Variants in CTNNA3 observed in about 807,000 individuals in gnomAD.
CTNNA3 encodes catenin alpha-3.
A neutral mutation model predicts 95.7 loss-of-function variants in CTNNA3; 76 were observed. The ratio of observed to expected loss-of-function variants is 0.79; its 90% CI spans 0.66 to 0.96. CTNNA3 has a LOEUF of 0.96. Ranked by LOEUF, CTNNA3 falls within the 40% of genes least tolerant of loss-of-function variation. The pLI is 0.00. For synonymous variants in CTNNA3, 431 were observed against 374.4 expected (o/e 1.15, Z -1.74); for missense variants, 1,191 against 1,089.8 (o/e 1.09, Z -1.31).
At chr10:66,734,872 CAAAAAA>C (rs34979571) in intron 9 of CTNNA3, among the ~76,000 whole-genome samples, 3 of 132,728 alleles carry the variant, frequency 2.3e-5, no homozygotes, top group Non-Finnish European at 4.8e-5. Flanking sequence ...AAGACTGTTT[CAAAAAA>C]AAAAAAAAAA....
intron 7 of CTNNA3, among the ~76,000 whole-genome samples, chr10:66,827,941 T>G (rs936290432): frequency 6.6e-6 from 1 of 152,198 alleles, no homozygotes; most frequent in East Asian, 1.9e-4. Context: ...ACAGGCTGAC[T>G]TCAAAATGGA....
chr10:67,694,474 C>T (rs914566067), intron 1 of CTNNA3, among the ~76,000 whole-genome samples: 10 of 152,072 alleles, frequency 6.6e-5, no homozygotes, highest in African/African-American at 2.4e-4. Context: ...AACACTTCTA[C>T]AGTTAGAAAC....
At chr10:67,555,020 C>T (rs932361272) in intron 3 of CTNNA3, among the ~76,000 whole-genome samples, 2 of 152,132 alleles carry the variant, frequency 1.3e-5, no homozygotes, top group African/African-American at 4.8e-5. Flanking sequence ...GAATCCTTTC[C>T]CTATTTCTTG....
intron 12 of CTNNA3, among the ~76,000 whole-genome samples, chr10:66,284,993 C>A (rs1411615584): frequency 6.6e-6 from 1 of 151,548 alleles, no homozygotes; most frequent in Non-Finnish European, 1.5e-5. Context: ...ATTTAGGGAG[C>A]CAATATTATG....
chr10:66,199,911 C>T (rs1031177643), intron 13 of CTNNA3, among the ~76,000 whole-genome samples: 8 of 142,110 alleles, frequency 5.6e-5, no homozygotes, highest in African/African-American at 1.9e-4. Flanking sequence ...CTTGGTCTCC[C>T]GAAGTGCTGG....
chr10:67,069,077 T>C (rs1856274861), intron 7 of CTNNA3, among the ~76,000 whole-genome samples: 3 of 151,482 alleles, frequency 2.0e-5, no homozygotes, highest in South Asian at 4.2e-4. Context: ...TAAAAATATA[T>C]ATGAAAGAAA....
At chr10:67,723,052 T>C (rs1190830311) in intron 1 of CTNNA3, among the ~76,000 whole-genome samples, 1 of 149,954 alleles carries the variant, frequency 6.7e-6, no homozygotes, top group African/African-American at 2.5e-5. Flanking sequence ...AGTGGCGTAA[T>C]CTTGGCTCAC....
At chr10:65,978,977 A>AT (rs2078264119) in intron 16 of CTNNA3, among the ~76,000 whole-genome samples, 1 of 152,148 alleles carries the variant, frequency 6.6e-6, no homozygotes, top group African/African-American at 2.4e-5. Flanking sequence ...AGAGGATAAC[A>AT]TTGTCTCATA....
intron 5 of CTNNA3, 118 bp from the exon 6 acceptor site, chr10:67,219,988 G>T: frequency 3.8e-6 from 3 of 781,650 alleles, no homozygotes; most frequent in Non-Finnish European, 6.0e-6. Flanking sequence ...GAAGAAGTCA[G>T]CTATAAGTTA....
intron 15 of CTNNA3, among the ~76,000 whole-genome samples, chr10:65,995,497 A>T (rs1589227917): frequency 1.3e-5 from 2 of 151,826 alleles, no homozygotes; most frequent in African/African-American, 4.8e-5. Flanking sequence ...TTTGTAGGGG[A>T]TGAGAACTGC....
intron 8 of CTNNA3, 22 bp from the exon 9 acceptor site, chr10:66,766,438 AG>A: frequency 6.3e-7 from 1 of 1,577,642 alleles, no homozygotes. Context: ...TGAAAAATTC[AG>A]GTTTTTTTTT....
chr10:66,783,005 C>T (rs905699822), intron 7 of CTNNA3, among the ~76,000 whole-genome samples: 101 of 152,156 alleles, frequency 6.6e-4, no homozygotes, highest in African/African-American at 2.4e-3. Context: ...TAAAAGGAGG[C>T]CATTACACTA....
At chr10:67,259,966 T>A (rs1866528079) in intron 5 of CTNNA3, among the ~76,000 whole-genome samples, 1 of 152,210 alleles carries the variant, frequency 6.6e-6, no homozygotes. Context: ...ATATATACTA[T>A]ATGTTAGTAT....
intron 11 of CTNNA3, among the ~76,000 whole-genome samples, chr10:66,456,040 A>T (rs1156664351): frequency 1.3e-5 from 2 of 152,208 alleles, no homozygotes; most frequent in African/African-American, 4.8e-5. Flanking sequence ...TGATTAAAAG[A>T]TATCAAAGGG....
At chr10:67,487,768 T>C (rs2133070681) in intron 5 of CTNNA3, among the ~76,000 whole-genome samples, 1 of 152,248 alleles carries the variant, frequency 6.6e-6, no homozygotes, top group South Asian at 2.1e-4. Flanking sequence ...CCAAATCCCA[T>C]TTCAACCTGC....
chr10:67,356,826 C>T (rs1842827386), intron 5 of CTNNA3, among the ~76,000 whole-genome samples: 1 of 152,202 alleles, frequency 6.6e-6, no homozygotes, highest in East Asian at 1.9e-4. Context: ...CCTGGTAAAA[C>T]TTATACTTTG....
chr10:67,482,398 ATTTG>A (rs1450447847), intron 5 of CTNNA3, among the ~76,000 whole-genome samples: 3 of 152,030 alleles, frequency 2.0e-5, no homozygotes, highest in South Asian at 2.1e-4. Flanking sequence ...ATGTTCTTCC[ATTTG>A]TTTGTATCCT....
At chr10:67,580,713 T>G (rs1164912506) in intron 3 of CTNNA3, among the ~76,000 whole-genome samples, 1 of 152,022 alleles carries the variant, frequency 6.6e-6, no homozygotes, top group Non-Finnish European at 1.5e-5. Context: ...TTCCATTTGT[T>G]TGTGTCCTCT....
chr10:66,242,048 A>G (rs10762039), intron 13 of CTNNA3, among the ~76,000 whole-genome samples: 32,472 of 151,906 alleles, frequency 0.21, 3,650 homozygotes, highest in South Asian at 0.29. Flanking sequence ...CCAATGTGGC[A>G]GCAGTAAGAG....
Sources: gnomAD v4.1 joint callset for allele counts (sites outside exome capture counted in the v4.1 genomes callset) on GRCh38, gnomAD v4.1.1 for gene constraint, MANE v1.5 for transcripts, NCBI Gene and HGNC (gene_info 2026-07-23, HGNC 2026-07-21) for gene names.